Variants in NBEA observed in about 807,000 individuals in gnomAD.
NBEA encodes the protein neurobeachin, also known as lysosomal-trafficking regulator 2.
In NBEA, 44 loss-of-function variants were observed where a neutral mutation model predicts 343.4. The ratio of observed to expected loss-of-function variants is 0.13; its 90% CI spans 0.10 to 0.16. The LOEUF (loss-of-function observed/expected upper bound fraction) is 0.16, where lower values mean the gene tolerates loss of function less well. NBEA is among the 10% of genes least tolerant of loss of function. NBEA has a pLI of 1.00. For missense variants in NBEA, 2,555 were observed against 3,631.3 expected (o/e 0.70, Z 7.62); for synonymous variants, 1,175 against 1,238.7 (o/e 0.95, Z 1.08).
chr13:35,533,422 A>T (rs890030191), intron 41 of NBEA, among the ~76,000 whole-genome samples: 5 of 152,286 alleles, frequency 3.3e-5, no homozygotes, highest in Admixed American at 2.6e-4. Flanking sequence ...TATAATACGT[A>T]TAATGAAAAT....
intron 38 of NBEA, among the ~76,000 whole-genome samples, chr13:35,405,021 G>A (rs1364570515): frequency 6.6e-6 from 1 of 152,024 alleles, no homozygotes; most frequent in Non-Finnish European, 1.5e-5. Flanking sequence ...ACTGGAAAGG[G>A]CACACTCTGT....
chr13:35,563,655 G>C (rs1593233486), intron 44 of NBEA, among the ~76,000 whole-genome samples: 1 of 151,420 alleles, frequency 6.6e-6, no homozygotes, highest in South Asian at 2.1e-4. Context: ...TTAAAATAAT[G>C]CTATAAATCT....
chr13:35,230,017 ATAT>A (rs2074880006), intron 33 of NBEA, among the ~76,000 whole-genome samples: 1 of 152,112 alleles, frequency 6.6e-6, no homozygotes, highest in East Asian at 1.9e-4. Flanking sequence ...GCTGAGTAAA[ATAT>A]TATATTCTTT....
chr13:35,367,920 A>G (rs2041217376), intron 38 of NBEA, among the ~76,000 whole-genome samples: 1 of 151,508 alleles, frequency 6.6e-6, no homozygotes, highest in South Asian at 2.1e-4. Context: ...GTGGACAACT[A>G]ACAAAATACC....
At chr13:35,181,301 T>A (rs1317676320) in intron 28 of NBEA, among the ~76,000 whole-genome samples, 1 of 151,912 alleles carries the variant, frequency 6.6e-6, no homozygotes, top group Non-Finnish European at 1.5e-5. Context: ...TGTAGAAGTG[T>A]TTCCTTTTCA....
At chr13:35,220,782 C>T (rs2074317647) in intron 33 of NBEA, among the ~76,000 whole-genome samples, 1 of 152,114 alleles carries the variant, frequency 6.6e-6, no homozygotes, top group South Asian at 2.1e-4. Flanking sequence ...TTTGAAACTT[C>T]CTAGCCATTA....
chr13:35,417,782 G>T (rs1285333109), intron 38 of NBEA, among the ~76,000 whole-genome samples: 3 of 152,028 alleles, frequency 2.0e-5, no homozygotes, highest in African/African-American at 4.8e-5. Context: ...TCAATTCCTG[G>T]ATATCCTTGT....
chr13:35,633,870 A>G (rs1322644166), intron 49 of NBEA, among the ~76,000 whole-genome samples: 2 of 152,148 alleles, frequency 1.3e-5, no homozygotes, highest in Non-Finnish European at 2.9e-5. Flanking sequence ...AAATAAGTTA[A>G]TTTGTTTTTA....
At chr13:35,171,102 G>A (rs2120822) in intron 25 of NBEA, 170 bp from the exon 26 acceptor site, 189,132 of 753,554 alleles carry the variant, frequency 0.25, 25,591 homozygotes, top group Admixed American at 0.37. Flanking sequence ...TAAAGTAACC[G>A]AATTTGGTAA....
Position 35,646,310 on chromosome 13 carries a change from A to T in NBEA, c.7732A>T (p.Ile2578Phe). The change falls in exon 51 of 59, where the codon ATT becomes TTT. Residue 2578 changes from isoleucine (I) to phenylalanine (F), a missense_variant. Coordinates refer to ENST00000379939, the MANE Select transcript of NBEA (RefSeq NM_001385012.1). ...TGGACAGACGCCATCTCAGTTGCTT[A>T]TTGAGCCACATCCGCCTCGGAGCTC... ...NFGQTPSQLL[I>F]EPHPPRSSAM... The T allele has an allele frequency of 6.2e-7, 1 of 1,613,878 alleles. No homozygotes were observed. Among genetic ancestry groups the T allele is most frequent in the Non-Finnish European group, 8.5e-7 (1 of 1,179,850 alleles).
At chr13:34,956,360 A>G (rs1270736417) in intron 1 of NBEA, among the ~76,000 whole-genome samples, 1 of 151,934 alleles carries the variant, frequency 6.6e-6, no homozygotes, top group African/African-American at 2.4e-5. Context: ...AGAGCAAAAA[A>G]ACAATGGTTT....
intron 1 of NBEA, among the ~76,000 whole-genome samples, chr13:34,977,689 T>C (rs2152504094): frequency 6.6e-6 from 1 of 152,362 alleles, no homozygotes; most frequent in South Asian, 2.1e-4. Context: ...TTTTGATAGT[T>C]GGAGTCATTT....
chr13:35,595,986 T>A (rs2081779708), intron 47 of NBEA, among the ~76,000 whole-genome samples: 1 of 152,124 alleles, frequency 6.6e-6, no homozygotes, highest in African/African-American at 2.4e-5. Context: ...CATGTCTTTT[T>A]CTTACTGATT....
At chr13:35,495,831 T>C (rs577858407) in intron 41 of NBEA, among the ~76,000 whole-genome samples, 105 of 152,180 alleles carry the variant, frequency 6.9e-4, no homozygotes, top group South Asian at 2.1e-3. Context: ...TAAAAATCTT[T>C]CTACAGTTGA....
chr13:35,177,399 A>G (rs1259315369), intron 28 of NBEA, among the ~76,000 whole-genome samples: 2 of 151,880 alleles, frequency 1.3e-5, no homozygotes, highest in African/African-American at 4.8e-5. Context: ...CTCCTCTCTT[A>G]GTATTCCTTG....
chr13:35,569,860 T>G (rs1421672102), intron 45 of NBEA, among the ~76,000 whole-genome samples: 3 of 152,220 alleles, frequency 2.0e-5, no homozygotes, highest in Non-Finnish European at 1.5e-5. Flanking sequence ...GTGGCACTCA[T>G]TATGATTAGT....
chr13:35,620,542 C>G lies in NBEA; in HGVS notation c.7450-7539C>G, dbSNP rs555455641. 2.0e-5 allele frequency among the ~76,000 whole-genome samples: 3 copies of G among 151,610 alleles called. No individual in the cohort carries two copies. In the South Asian group the frequency reaches 6.3e-4, roughly 32 times the overall value. The stretch of plus-strand genomic sequence containing the variant: ...GTAGTGGGGGAGCATCACACAGGGT[C>G]TTGAAGGCCATCATAAGTACTTTGC... On this transcript the variant is annotated intron_variant, in intron 48 of 58. Coordinates refer to ENST00000379939, the MANE Select transcript of NBEA (RefSeq NM_001385012.1).
intron 1 of NBEA, among the ~76,000 whole-genome samples, chr13:35,023,620 G>T (rs548763275): frequency 6.6e-6 from 1 of 152,140 alleles, no homozygotes; most frequent in East Asian, 1.9e-4. Flanking sequence ...ACAAAAGTAC[G>T]TACATCTGTG....
intron 33 of NBEA, among the ~76,000 whole-genome samples, chr13:35,225,118 A>G (rs754207321): frequency 3.3e-5 from 5 of 152,116 alleles, no homozygotes; most frequent in Admixed American, 6.6e-5. Flanking sequence ...CCCTTCTGCA[A>G]TAGTAGACTA....
Sources: gnomAD v4.1 joint callset for allele counts (sites outside exome capture counted in the v4.1 genomes callset) on GRCh38, gnomAD v4.1.1 for gene constraint, MANE v1.5 for transcripts, NCBI Gene and HGNC (gene_info 2026-07-23, HGNC 2026-07-21) for gene names.